Variants in ATR observed in about 807,000 individuals in gnomAD.
ATR encodes serine/threonine-protein kinase ATR.
ATR carries 142 observed loss-of-function variants against 305.3 expected under a neutral mutation model. That is an observed-to-expected ratio of 0.47 (90% CI 0.41 to 0.53). The LOEUF (loss-of-function observed/expected upper bound fraction) is 0.53, where lower values mean the gene tolerates loss of function less well. ATR is among the 20% of genes least tolerant of loss of function. The pLI is 0.00. For synonymous variants in ATR, 1,050 were observed against 1,068.1 expected (o/e 0.98, Z 0.33); for missense variants, 2,135 against 3,133.1 (o/e 0.68, Z 7.60).
At position 142,540,909 on chromosome 3, in the gene ATR, A is replaced by G; in HGVS notation, c.3576T>C (p.Cys1192=). Residue 1192 remains cysteine (C), a synonymous_variant, in exon 18 of 47, where the codon TGT becomes TGC. Transcript: ENST00000350721. ...LRFKDDFPEL[C]CRAWDCFVRC... ...AAACTCAGGCAGTCATTTACCTGCAACACAATTCAGGAAAATCATCCTTGA... is the reference window on the plus strand; with the variant it reads ...AAACTCAGGCAGTCATTTACCTGCAGCACAATTCAGGAAAATCATCCTTGA... The G allele has an allele frequency of 6.2e-7, 1 of 1,610,696 alleles. No homozygotes were observed. Among genetic ancestry groups the G allele is most frequent in the Non-Finnish European group, 8.5e-7 (1 of 1,178,236 alleles).
chr3:142,507,876 T>C (rs1028463695), intron 28 of ATR, 55 bp downstream of exon 28: 1 of 1,469,334 alleles, frequency 6.8e-7, no homozygotes, highest in Non-Finnish European at 9.5e-7. Flanking sequence ...AACATAAACA[T>C]AAAAGACTGG....
chr3:142,505,118 G>A (rs2108354940), intron 29 of ATR, 21 bp downstream of exon 29: 1 of 1,613,318 alleles, frequency 6.2e-7, no homozygotes, highest in Non-Finnish European at 8.5e-7. Context: ...CATTACAGTT[G>A]CCTTTCAATT....
intron 5 of ATR, among the ~76,000 whole-genome samples, chr3:142,560,807 G>A (rs1392079539): frequency 1.3e-5 from 2 of 152,122 alleles, no homozygotes; most frequent in Admixed American, 6.5e-5. Context: ...TGATCTGCCC[G>A]CCTCGGCCTC....
At chr3:142,451,102 A>G in intron 46 of ATR, 6 of 1,273,366 alleles carry the variant, frequency 4.7e-6, no homozygotes, top group Non-Finnish European at 6.0e-6. Context: ...CAATTGTGAA[A>G]CAGCCCCTGC....
At chr3:142,451,798 T>C (rs961081219) in intron 46 of ATR, 22 of 1,234,962 alleles carry the variant, frequency 1.8e-5, no homozygotes, top group African/African-American at 3.1e-5. Context: ...TTTGTCCAGT[T>C]AGATATGTAT....
In ATR at chr3:142,513,641, G is replaced by T; in HGVS notation, c.4504-3C>A. On this transcript the variant is annotated splice_polypyrimidine_tract_variant and splice_region_variant and intron_variant, in intron 25 of 46. Transcript: ENST00000350721. ...TTACTGGCAAGATCATGTCGAACCTGTAAATGCAAAATGTGTAGACAGTAA... is the reference window on the plus strand; with the variant it reads ...TTACTGGCAAGATCATGTCGAACCTTTAAATGCAAAATGTGTAGACAGTAA... 6.2e-7 allele frequency: 1 copy of T among 1,613,308 alleles called. No individual in the cohort carries two copies. The highest frequency in any genetic ancestry group is 8.5e-7 in the Non-Finnish European group (1 of 1,179,440).
In ATR at chr3:142,449,341, T is replaced by C. The variant is rs2070723124; in HGVS notation, c.*88A>G. ...TTGCTGAGAACGTAAATTTATGTTGTACTTTAGAATTGAACAGATACAACC... is the reference window on the plus strand; with the variant it reads ...TTGCTGAGAACGTAAATTTATGTTGCACTTTAGAATTGAACAGATACAACC... On this transcript the variant is annotated 3_prime_UTR_variant, in exon 47 of 47. Coordinates refer to ENST00000350721, the MANE Select transcript of ATR (RefSeq NM_001184.4). 1 of 1,255,682 alleles carries C rather than the reference T, an allele frequency of 8.0e-7. No homozygotes were observed. The highest frequency in any genetic ancestry group is 1.3e-5 in the South Asian group (1 of 78,656). The allele number at this position is 1,255,682 out of a possible 1,614,324, so 77.8% of individuals were successfully genotyped here.
At chr3:142,525,805 T>C (rs75100831) in intron 21 of ATR, among the ~76,000 whole-genome samples, 21,155 of 152,126 alleles carry the variant, frequency 0.14, 1,504 homozygotes, top group Non-Finnish European at 0.16. Flanking sequence ...ATATGCCAAC[T>C]CCCCTTCCCC....
At chr3:142,525,401 G>A (rs912181241) in intron 21 of ATR, among the ~76,000 whole-genome samples, 7 of 151,076 alleles carry the variant, frequency 4.6e-5, no homozygotes, top group African/African-American at 1.5e-4. Flanking sequence ...TTTTCCATAT[G>A]AGCATTATTA....
chr3:142,519,698 C>T lies in ATR; in HGVS notation c.4353G>A (p.Arg1451=), dbSNP rs1309013215. The T allele has an allele frequency of 6.2e-7, 1 of 1,613,544 alleles. No homozygotes were observed. Among genetic ancestry groups the T allele is most frequent in the East Asian group, 2.2e-5 (1 of 44,880 alleles). ...QLWRRFPEHV[R]EILEPHLNTR... is the part of the protein sequence containing the mutation. ...TATTTAGATGAGGTTCTAGTATTTC[C>T]CGAACATGCTCAGGAAATCTCCTCC... Residue 1451 remains arginine, a synonymous_variant, in exon 24 of 47, where the codon CGG becomes CGA. Coordinates refer to ENST00000350721, the MANE Select transcript of ATR (RefSeq NM_001184.4).
At chr3:142,523,927 A>G in intron 22 of ATR, 66 bp downstream of exon 22, 1 of 1,493,382 alleles carries the variant, frequency 6.7e-7, no homozygotes, top group Non-Finnish European at 9.2e-7. Context: ...AGTTCTTTGT[A>G]AATGAAATAT....
At chr3:142,463,119 C>A (rs963893897) in intron 41 of ATR, among the ~76,000 whole-genome samples, 4 of 151,974 alleles carry the variant, frequency 2.6e-5, no homozygotes, top group Admixed American at 6.6e-5. Flanking sequence ...TGTGTGGCCT[C>A]CAAAACTAAC....
intron 12 of ATR, 102 bp downstream of exon 12, chr3:142,553,538 T>C (rs2034555710): frequency 6.9e-7 from 1 of 1,453,808 alleles, no homozygotes. Flanking sequence ...ACATTTTGTC[T>C]ATAATATCAC....
At chr3:142,554,139 C>A (rs1289485841) in intron 10 of ATR, 124 bp from the exon 11 acceptor site, 6 of 807,552 alleles carry the variant, frequency 7.4e-6, no homozygotes, top group Non-Finnish European at 1.1e-5. Context: ...GTCAATGTTT[C>A]ATATTTAAGT....
chr3:142,469,470 G>T lies in ATR; in HGVS notation c.6419C>A (p.Thr2140Asn), dbSNP rs749583826. 9 of 1,613,658 alleles carry T rather than the reference G, an allele frequency of 5.6e-6. No individual in the cohort carries two copies. In the Admixed American group the frequency reaches 6.7e-5, roughly 12 times the overall value. Reference protein sequence around the residue: ...TNYLAPYQFLTAFSQLISRIC... With the variant: ...TNYLAPYQFLNAFSQLISRIC... Reference sequence around the variant, plus strand: ...TCGAGAGATCAATTGTGAAAAAGCAGTCAAAAATTGATATGGAGCTAAATA... The same window carrying T: ...TCGAGAGATCAATTGTGAAAAAGCATTCAAAAATTGATATGGAGCTAAATA... Residue 2140 changes from threonine (T) to asparagine (N), a missense_variant, in exon 38 of 47, where the codon ACT becomes AAT. Thr to Asn is a moderately conservative substitution (Grantham distance 65). Coordinates refer to ENST00000350721, the MANE Select transcript of ATR (RefSeq NM_001184.4).
At chr3:142,514,807 CAAAAAAAAAAAA>C (rs56770183) in intron 25 of ATR, among the ~76,000 whole-genome samples, 1 of 99,864 alleles carries the variant, frequency 1.0e-5, no homozygotes, top group East Asian at 3.1e-4. Flanking sequence ...GACTCCGTCA[CAAAAAAAAAAAA>C]AAAAAAAAAG....
At chr3:142,459,849 A>G (rs1015743031) in intron 42 of ATR, among the ~76,000 whole-genome samples, 2 of 152,150 alleles carry the variant, frequency 1.3e-5, no homozygotes, top group East Asian at 3.8e-4. Flanking sequence ...GATGAAAATT[A>G]ATGTCAGTTA....
At chr3:142,506,279 T>C (rs1008703910) in intron 28 of ATR, among the ~76,000 whole-genome samples, 1 of 152,224 alleles carries the variant, frequency 6.6e-6, no homozygotes, top group South Asian at 2.1e-4. Context: ...CCATATACTC[T>C]GGTTCCCAAA....
At chr3:142,525,126 C>T (rs186820706) in intron 21 of ATR, among the ~76,000 whole-genome samples, 1 of 152,170 alleles carries the variant, frequency 6.6e-6, no homozygotes, top group Non-Finnish European at 1.5e-5. Context: ...TCCCCACCCC[C>T]ACACATACAC....
Sources: gnomAD v4.1 joint callset for allele counts (sites outside exome capture counted in the v4.1 genomes callset) on GRCh38, gnomAD v4.1.1 for gene constraint, MANE v1.5 for transcripts, NCBI Gene and HGNC (gene_info 2026-07-23, HGNC 2026-07-21) for gene names.